The following IL23R variants were observed in gnomAD, a reference collection of about 807,000 sequenced individuals.
IL23R encodes interleukin 23 receptor.
Under a neutral mutation model 56.9 loss-of-function variants are expected in IL23R, and 34 were observed. The ratio of observed to expected loss-of-function variants is 0.60; its 90% CI spans 0.45 to 0.80. The LOEUF (loss-of-function observed/expected upper bound fraction) is 0.80, where lower values mean the gene tolerates loss of function less well. Ranked by LOEUF, IL23R falls within the 30% of genes least tolerant of loss-of-function variation. The probability of loss-of-function intolerance (pLI) is 0.00; values close to 1 mark genes in which losing one functional copy is unlikely to be tolerated. For synonymous variants in IL23R, 230 were observed against 249.2 expected, an observed-to-expected ratio of 0.92 and a Z score of 0.73; for missense variants, 635 against 730.0, an observed-to-expected ratio of 0.87 and a Z score of 1.50.
At chr1:67,248,623 A>G (rs753814643) in intron 9 of IL23R, among the ~76,000 whole-genome samples, 1 of 152,058 alleles carries the variant, frequency 6.6e-6, no homozygotes, top group African/African-American at 2.4e-5. Flanking sequence ...CAATTCATCA[A>G]ACTCATTCTC....
At chr1:67,202,816 C>T (rs1648734868) in intron 5 of IL23R, among the ~76,000 whole-genome samples, 1 of 152,106 alleles carries the variant, frequency 6.6e-6, no homozygotes, top group African/African-American at 2.4e-5. Context: ...CTCAAGCGAT[C>T]CTCCTGCCTT....
chr1:67,165,531 C>T (rs1035745085), upstream of IL23R, among the ~76,000 whole-genome samples: 4 of 152,136 alleles, frequency 2.6e-5, no homozygotes, highest in Non-Finnish European at 4.4e-5. Context: ...GTTCATGAAG[C>T]GTTAGTCAAA....
At chr1:67,138,952 G>C (rs1226409873) in exon 1 of IL23R, 2 of 152,354 alleles carry the variant, frequency 1.3e-5, no homozygotes, top group African/African-American at 4.8e-5. Context: ...CCGGGACTTT[G>C]AGCCTTCAGG....
intron 9 of IL23R, among the ~76,000 whole-genome samples, chr1:67,247,069 C>T (rs989311617): frequency 6.6e-6 from 1 of 151,784 alleles, no homozygotes; most frequent in Non-Finnish European, 1.5e-5. Flanking sequence ...TTATGTAATG[C>T]CCTTCTTTGT....
chr1:67,237,003 C>T (rs915174585), intron 8 of IL23R, among the ~76,000 whole-genome samples: 18 of 151,986 alleles, frequency 1.2e-4, no homozygotes, highest in Admixed American at 3.9e-4. Context: ...ATTTTGCCGG[C>T]TTTTGCAATA....
intron 5 of IL23R, among the ~76,000 whole-genome samples, chr1:67,201,305 G>A (rs953163736): frequency 5.3e-5 from 8 of 151,870 alleles, no homozygotes; most frequent in Non-Finnish European, 1.2e-4. Flanking sequence ...CTACTCAGGA[G>A]GCTGAGGCAG....
chr1:67,170,528 G>A (rs1646930324), intron 3 of IL23R, among the ~76,000 whole-genome samples: 4 of 152,074 alleles, frequency 2.6e-5, no homozygotes, highest in Non-Finnish European at 1.5e-5. Context: ...GTGTCCTGGA[G>A]GTGTTTAAAT....
intron 7 of IL23R, among the ~76,000 whole-genome samples, chr1:67,232,285 T>C (rs1429516226): frequency 6.6e-6 from 1 of 152,142 alleles, no homozygotes; most frequent in Non-Finnish European, 1.5e-5. Flanking sequence ...ATTTAAAGCA[T>C]CAGTGCTAAA....
intron 3 of IL23R, among the ~76,000 whole-genome samples, chr1:67,177,803 C>A (rs1362621611): frequency 6.6e-6 from 1 of 150,868 alleles, no homozygotes; most frequent in East Asian, 1.9e-4. Context: ...GTATAAGGTG[C>A]AAGGAAGGGA....
At chr1:67,217,015 A>T (rs981901913) in intron 6 of IL23R, among the ~76,000 whole-genome samples, 4 of 152,140 alleles carry the variant, frequency 2.6e-5, no homozygotes, top group African/African-American at 7.2e-5. Context: ...GTTACCAAGG[A>T]CCCTCTCATC....
Position 67,239,288 on chromosome 1 carries a change from C to T in IL23R, c.1046-891C>T, listed in dbSNP as rs566280589. Among the ~76,000 whole-genome samples the T allele has an allele frequency of 2.6e-5, 4 of 152,262 alleles. No individual in the cohort carries two copies. The East Asian group carries it at 7.7e-4, about 29-fold the overall frequency. ...TGTTTGTTTGTTTGTTTTTGAGACACAGTCTGGCTCTGTCGCCCAGGCTGG... is the reference window on the plus strand; with the variant it reads ...TGTTTGTTTGTTTGTTTTTGAGACATAGTCTGGCTCTGTCGCCCAGGCTGG... On this transcript the variant is annotated intron_variant, in intron 8 of 10. Coordinates refer to ENST00000347310, the MANE Select transcript of IL23R (RefSeq NM_144701.3).
intron 4 of IL23R, among the ~76,000 whole-genome samples, chr1:67,199,815 G>T (rs2102620459): frequency 6.6e-6 from 1 of 152,034 alleles, no homozygotes; most frequent in African/African-American, 2.4e-5. Context: ...TTAAAATTGT[G>T]AAAATAAAAT....
chr1:67,146,817 C>T (rs1186512910), intron 1 of IL23R, among the ~76,000 whole-genome samples: 3 of 152,290 alleles, frequency 2.0e-5, no homozygotes, highest in African/African-American at 7.2e-5. Flanking sequence ...AGGATACCTC[C>T]CCTATCTTCA....
intron 6 of IL23R, among the ~76,000 whole-genome samples, chr1:67,214,948 T>G (rs979210267): frequency 1.3e-5 from 2 of 151,996 alleles, no homozygotes; most frequent in African/African-American, 4.8e-5. Context: ...ATTCCAGACA[T>G]TGTATAGAAG....
chr1:67,163,128 G>A (rs1646837279), upstream of IL23R, among the ~76,000 whole-genome samples: 1 of 152,102 alleles, frequency 6.6e-6, no homozygotes, highest in East Asian at 1.9e-4. Flanking sequence ...GCTGGACACT[G>A]AGAAGAAAAG....
In IL23R at chr1:67,259,286, T is replaced by A; in HGVS notation, c.*158T>A. 2.8e-6 allele frequency: 2 copies of A among 720,148 alleles called. No homozygotes were observed. Among genetic ancestry groups the A allele is most frequent in the Non-Finnish European group, 4.7e-6 (2 of 421,700 alleles). 44.6% of individuals were successfully genotyped at this position (720,148 alleles called of 1,614,324 possible). A position where few individuals can be genotyped will look rare whatever the true frequency, so the allele number is the denominator to read the frequency against. On this transcript the variant is annotated 3_prime_UTR_variant, in exon 11 of 11. Coordinates refer to ENST00000347310, the MANE Select transcript of IL23R (RefSeq NM_144701.3). ...TTTTCATTTCCCTTGGATAAATACC[T>A]AGGTAGGGGATTGCTGGGCCATATG... is the stretch of plus-strand genomic sequence containing the variant.
chr1:67,216,194 C>T (rs373604638), intron 6 of IL23R, among the ~76,000 whole-genome samples: 1 of 152,218 alleles, frequency 6.6e-6, no homozygotes. Context: ...ATTGTATATA[C>T]TTGCCTGTTT....
At chr1:67,224,165 G>T (rs1023938132) in intron 7 of IL23R, among the ~76,000 whole-genome samples, 1 of 152,160 alleles carries the variant, frequency 6.6e-6, no homozygotes, top group East Asian at 1.9e-4. Context: ...TAAAAATCAA[G>T]CATAATAATT....
rs1034243222 is a variant in IL23R, at chr1:67,204,126, C to G, written c.653-2784C>G. Among the ~76,000 whole-genome samples, 5 of 151,824 alleles carry G rather than the reference C, an allele frequency of 3.3e-5. 1 individual carries two copies. Among genetic ancestry groups the G allele is most frequent in the South Asian group, 4.2e-4 (2 of 4,804 alleles). On this transcript the variant is annotated intron_variant, in intron 5 of 10. Transcript: ENST00000347310. ...TCGCCCAGGCTGGAGTGCAGTGGCGCGATCTCGGCTCACTGCAAGCTCCGC... is the reference window on the plus strand; with the variant it reads ...TCGCCCAGGCTGGAGTGCAGTGGCGGGATCTCGGCTCACTGCAAGCTCCGC...
Sources: allele counts gnomAD v4.1 joint callset (sites outside exome capture counted in the v4.1 genomes callset), GRCh38; gene constraint gnomAD v4.1.1; transcripts MANE v1.5; gene names NCBI Gene and HGNC (gene_info 2026-07-23, HGNC 2026-07-21).